The following ZNF730 variants were observed in gnomAD, a reference collection of about 807,000 sequenced individuals.
The protein encoded by ZNF730 is putative zinc finger protein 730.
A neutral mutation model predicts 12.6 loss-of-function variants in ZNF730; 12 were observed. That is an observed-to-expected ratio of 0.95 (90% CI 0.61 to 1.54). ZNF730 has a LOEUF of 1.54. ZNF730 is among the 40% of genes most tolerant of loss of function. ZNF730 has a pLI of 0.00. For missense variants in ZNF730, 643 were observed against 583.5 expected, an observed-to-expected ratio of 1.10 and a Z score of -1.05; for synonymous variants, 194 against 195.8, an observed-to-expected ratio of 0.99 and a Z score of 0.08.
intron 1 of ZNF730, among the ~76,000 whole-genome samples, chr19:23,082,105 T>C (rs892098633): frequency 2.6e-5 from 4 of 152,192 alleles, no homozygotes; most frequent in Non-Finnish European, 2.9e-5. Context: ...TCCTACTGTG[T>C]AATAGAAAAC....
chr19:23,116,318 T>TCTTTTCTTTTCTTTTCTTTTC (rs962151573), upstream of ZNF730, among the ~76,000 whole-genome samples: 5 of 32,374 alleles, frequency 1.5e-4, no homozygotes, highest in Non-Finnish European at 4.5e-4. Context: ...TCTTTTCTTT[T>TCTTTTCTTTTCTTTTCTTTTC]CTTTTCTTTC....
chr19:23,077,762 C>G (rs910378692), intron 1 of ZNF730, among the ~76,000 whole-genome samples: 40 of 152,148 alleles, frequency 2.6e-4, no homozygotes, highest in African/African-American at 9.2e-4. Flanking sequence ...AAAGAGAGAT[C>G]AGACTGTTAC....
chr19:23,078,187 A>C (rs748748718), intron 1 of ZNF730, among the ~76,000 whole-genome samples: 44 of 152,292 alleles, frequency 2.9e-4, no homozygotes, highest in Non-Finnish European at 4.9e-4. Context: ...AGGATTAGTA[A>C]AAGAGGAAGA....
chr19:23,109,179 A>T (rs1314195382), intron 1 of ZNF730, among the ~76,000 whole-genome samples: 1 of 152,082 alleles, frequency 6.6e-6, no homozygotes, highest in Non-Finnish European at 1.5e-5. Flanking sequence ...AAAATGTTTG[A>T]TCTTCAACTT....
chr19:23,091,584 T>A (rs960491233), intron 1 of ZNF730, among the ~76,000 whole-genome samples: 2 of 152,236 alleles, frequency 1.3e-5, no homozygotes, highest in African/African-American at 4.8e-5. Flanking sequence ...ACCTTTTGCA[T>A]CAGCGTGACC....
rs1457451795 is a variant in ZNF730, at chr19:23,076,297, A to G, written c.-94+910A>G. Among the ~76,000 whole-genome samples the G allele has an allele frequency of 2.6e-5, 4 of 152,220 alleles. No homozygotes were observed. In the East Asian group the frequency reaches 5.8e-4, roughly 22 times the overall value. The stretch of plus-strand genomic sequence containing the variant: ...AAAGATTTGTTTTCTGTCTATAAAC[A>G]TTTCACATGAGAAAAATGTAGAAAA... On this transcript the variant is annotated intron_variant, in intron 1 of 2. Transcript: ENST00000593635.
At chr19:23,087,529 C>T (rs1356259084) in intron 1 of ZNF730, among the ~76,000 whole-genome samples, 2 of 151,868 alleles carry the variant, frequency 1.3e-5, no homozygotes, top group Admixed American at 6.6e-5. Flanking sequence ...GGCATATTCT[C>T]GATATAAGAT....
intron 1 of ZNF730, among the ~76,000 whole-genome samples, chr19:23,133,472 A>G (rs1248972596): frequency 6.6e-6 from 1 of 152,132 alleles, no homozygotes; most frequent in East Asian, 1.9e-4. Context: ...CTTCCCGAGT[A>G]GCTGGAATTA....
chr19:23,102,344 G>C (rs2145541231), intron 1 of ZNF730, among the ~76,000 whole-genome samples: 1 of 152,158 alleles, frequency 6.6e-6, no homozygotes, highest in South Asian at 2.1e-4. Flanking sequence ...ACTCCTGTTT[G>C]GTCCCTGCCT....
At chr19:23,105,515 A>G (rs1434741593) in intron 1 of ZNF730, among the ~76,000 whole-genome samples, 1 of 152,216 alleles carries the variant, frequency 6.6e-6, no homozygotes, top group Admixed American at 6.5e-5. Flanking sequence ...ATATGTCTCA[A>G]TGAGAGCACA....
intron 2 of ZNF730, among the ~76,000 whole-genome samples, chr19:23,135,221 TAAAAAAAAAAAAAAAAAAAAAAAAAAAAA>T (rs57748615): frequency 2.6e-5 from 1 of 38,820 alleles, no homozygotes; most frequent in Non-Finnish European, 4.8e-5. Flanking sequence ...GAATGATCAA[TAAAAAAAAAAAAAAAAAAAAAAAAAAAAA>T]AAAAAAAAAG....
intron 1 of ZNF730, among the ~76,000 whole-genome samples, chr19:23,089,609 G>A (rs1428755835): frequency 1.3e-5 from 2 of 152,180 alleles, no homozygotes; most frequent in African/African-American, 4.8e-5. Flanking sequence ...TCTTGCTGCT[G>A]TGATGTAAGA....
chr19:23,119,628 C>T (rs921342897), intron 1 of ZNF730, among the ~76,000 whole-genome samples: 6 of 152,114 alleles, frequency 3.9e-5, no homozygotes, highest in African/African-American at 1.4e-4. Context: ...ATGATCTTGG[C>T]CAACATGGTG....
chr19:23,131,857 G>C lies in ZNF730; in HGVS notation c.4-2223G>C, dbSNP rs183176130. ...CTTAGTTAAATGGTTATAAGCCCAG[G>C]CTTCTAATTAGAATCATGTGACTCT... On this transcript the variant is annotated intron_variant, in intron 1 of 3. Coordinates refer to ENST00000597761, the MANE Select transcript of ZNF730 (RefSeq NM_001277403.2). Among the ~76,000 whole-genome samples, 43 of 152,308 alleles carry C rather than the reference G, an allele frequency of 2.8e-4. 1 individual carries two copies. The highest frequency in any genetic ancestry group is 2.2e-3 in the Admixed American group (33 of 15,296).
At chr19:23,101,338 A>C (rs1041574259) in intron 1 of ZNF730, among the ~76,000 whole-genome samples, 1 of 152,246 alleles carries the variant, frequency 6.6e-6, no homozygotes, top group Non-Finnish European at 1.5e-5. Context: ...TTCAGCACAC[A>C]TAAGAGTCTG....
chr19:23,128,041 G>A, intron 1 of ZNF730: 2 of 758,562 alleles, frequency 2.6e-6, no homozygotes, highest in South Asian at 2.7e-5. Context: ...CCAAGTGGAG[G>A]TGACTGGCAA....
At chr19:23,139,110 A>G (rs1970877193) in intron 3 of ZNF730, among the ~76,000 whole-genome samples, 1 of 152,194 alleles carries the variant, frequency 6.6e-6, no homozygotes, top group African/African-American at 2.4e-5. Flanking sequence ...AGAAATAGAC[A>G]GGCAAAATGG....
At chr19:23,133,576 A>C (rs1970774999) in intron 1 of ZNF730, among the ~76,000 whole-genome samples, 1 of 152,168 alleles carries the variant, frequency 6.6e-6, no homozygotes, top group African/African-American at 2.4e-5. Context: ...TCCTGACCTC[A>C]GGTGATCCGC....
intron 1 of ZNF730, among the ~76,000 whole-genome samples, chr19:23,130,660 G>A (rs369401191): frequency 1.3e-5 from 2 of 151,040 alleles, no homozygotes; most frequent in Non-Finnish European, 2.9e-5. Context: ...AATTATCCGC[G>A]GAAACCTTAA....
Sources: gnomAD v4.1 joint callset for allele counts (sites outside exome capture counted in the v4.1 genomes callset) on GRCh38, gnomAD v4.1.1 for gene constraint, MANE v1.5 for transcripts, NCBI Gene and HGNC (gene_info 2026-07-23, HGNC 2026-07-21) for gene names.